The following NOVA1 variants were observed in gnomAD, a reference collection of about 807,000 sequenced individuals.
The protein encoded by NOVA1 is RNA-binding protein Nova-1.
A neutral mutation model predicts 38.0 loss-of-function variants in NOVA1; 7 were observed. That is an observed-to-expected ratio of 0.18 (90% confidence interval 0.10 to 0.35). NOVA1 has a LOEUF of 0.35. NOVA1 is among the 10% of genes least tolerant of loss of function. NOVA1 has a pLI of 1.00. For synonymous variants in NOVA1, 270 were observed against 232.5 expected (o/e 1.16, Z -1.47); for missense variants, 460 against 616.0 (o/e 0.75, Z 2.68).
chr14:26,463,962 A>G (rs1311784555), intron 4 of NOVA1, among the ~76,000 whole-genome samples: 1 of 152,196 alleles, frequency 6.6e-6, no homozygotes, highest in Non-Finnish European at 1.5e-5. Context: ...TTGTTCATTT[A>G]AAAGTCATGA....
chr14:26,594,663 G>T (rs1413110121), intron 2 of NOVA1: 1 of 151,820 alleles, frequency 6.6e-6, no homozygotes, highest in Non-Finnish European at 1.5e-5. Flanking sequence ...GAAAAAAATA[G>T]AAAAAGATGG....
In NOVA1 at chr14:26,567,357, G is replaced by A. The variant is rs143012608; in HGVS notation, c.280+28053C>T. On this transcript the variant is annotated intron_variant, in intron 2 of 4. Coordinates refer to ENST00000539517, the MANE Select transcript of NOVA1 (RefSeq NM_002515.3). ...GTCACCCAAGCTGGAATGCAGTGGC[G>A]CAATCTTGGCTCACTGCAGCCCCGA... is the stretch of plus-strand genomic sequence containing the variant. 3.9e-4 allele frequency among the ~76,000 whole-genome samples: 56 copies of A among 142,880 alleles called. No homozygotes were observed. In the East Asian group the frequency reaches 8.8e-3, roughly 23 times the overall value. The allele number at this position is 142,880 out of a possible 152,430, so 93.7% of individuals were successfully genotyped here. A position where few individuals can be genotyped will look rare whatever the true frequency, so the allele number is the denominator to read the frequency against.
intron 2 of NOVA1, among the ~76,000 whole-genome samples, chr14:26,554,626 T>A (rs1052055911): frequency 2.0e-5 from 3 of 152,050 alleles, no homozygotes; most frequent in African/African-American, 7.2e-5. Flanking sequence ...ATTTGACTAA[T>A]CATAAACAAA....
chr14:26,580,074 TACTA>T (rs1893116700), intron 2 of NOVA1, among the ~76,000 whole-genome samples: 1 of 151,792 alleles, frequency 6.6e-6, no homozygotes, highest in Non-Finnish European at 1.5e-5. Context: ...AAAAAAATCT[TACTA>T]ACAGCAAAAA....
In NOVA1 at chr14:26,458,814, T is replaced by C. The variant is rs1041521157; in HGVS notation, c.520-9851A>G. ...CACATACCCCCAAATCTAAAATAAA[T>C]GCTGAAAGGAAACAAAATTAAGAAA... On this transcript the variant is annotated intron_variant, in intron 4 of 4. Coordinates refer to ENST00000539517, the MANE Select transcript of NOVA1 (RefSeq NM_002515.3). Among the ~76,000 whole-genome samples, 5 of 151,812 alleles carry C rather than the reference T, an allele frequency of 3.3e-5. No homozygotes were observed. The East Asian group carries it at 9.7e-4, about 30-fold the overall frequency.
chr14:26,466,806 C>T (rs186298202), intron 4 of NOVA1, among the ~76,000 whole-genome samples: 3 of 152,280 alleles, frequency 2.0e-5, no homozygotes, highest in African/African-American at 7.2e-5. Context: ...TTCTCCTCTT[C>T]TGCCATGTAG....
Position 26,447,814 on chromosome 14 carries a change from A to G in NOVA1, c.*145T>C. On this transcript the variant is annotated 3_prime_UTR_variant, in exon 5 of 5. Coordinates refer to ENST00000539517, the MANE Select transcript of NOVA1 (RefSeq NM_002515.3). ...ATCTGGTAAAACACATATTATTTACATATACACATTGTCAACATAGTCGCA... is the reference window on the plus strand; with the variant it reads ...ATCTGGTAAAACACATATTATTTACGTATACACATTGTCAACATAGTCGCA... 1.5e-6 allele frequency: 1 copy of G among 653,462 alleles called. No homozygotes were observed. Among genetic ancestry groups the G allele is most frequent in the Non-Finnish European group, 2.7e-6 (1 of 373,370 alleles). 40.5% of individuals were successfully genotyped at this position (653,462 alleles called of 1,614,324 possible).
chr14:26,481,988 T>TAAAAAAAAAA lies in NOVA1; in HGVS notation c.281-1855_281-1846dup, dbSNP rs372806170. ...CAAAACAGTCTAACTTAGATAGAGA[T>TAAAAAAAAAA]AAAAAAAAAAAAAAAAAAAAAAAAA... On this transcript the variant is annotated intron_variant, in intron 2 of 4. Coordinates refer to ENST00000539517, the MANE Select transcript of NOVA1 (RefSeq NM_002515.3). Among the ~76,000 whole-genome samples the TAAAAAAAAAA allele has an allele frequency of 2.2e-3, 231 of 105,884 alleles. 10 individuals are homozygous for TAAAAAAAAAA. The highest frequency in any genetic ancestry group is 9.5e-3 in the African/African-American group (187 of 19,668). 69.5% of individuals were successfully genotyped at this position (105,884 alleles called of 152,430 possible).
At chr14:26,527,223 T>G (rs1209494552) in intron 2 of NOVA1, among the ~76,000 whole-genome samples, 1 of 111,988 alleles carries the variant, frequency 8.9e-6, no homozygotes, top group Non-Finnish European at 2.0e-5. Context: ...ATGGGCTAGC[T>G]GTGTGGTCTG....
chr14:26,445,710 A>G lies in NOVA1; in HGVS notation c.*2249T>C, dbSNP rs1411936015. On this transcript the variant is annotated 3_prime_UTR_variant, in exon 5 of 5. Transcript: ENST00000539517. Reference sequence around the variant, plus strand: ...GAAATGCTTCTAGTACACATCCTAGATCACTTCCTTTCCCTTTTTCAAACT... The same window carrying G: ...GAAATGCTTCTAGTACACATCCTAGGTCACTTCCTTTCCCTTTTTCAAACT... 2.0e-5 allele frequency: 3 copies of G among 152,222 alleles called. No individual in the cohort carries two copies. The highest frequency in any genetic ancestry group is 4.4e-5 in the Non-Finnish European group (3 of 68,028). The allele number at this position is 152,222 out of a possible 1,614,324, so 9.4% of individuals were successfully genotyped here. A position where few individuals can be genotyped will look rare whatever the true frequency, so the allele number is the denominator to read the frequency against.
At position 26,501,638 on chromosome 14, in the gene NOVA1, A is replaced by C. The variant is rs576856309; in HGVS notation, c.281-21495T>G. On this transcript the variant is annotated intron_variant, in intron 2 of 4. Transcript: ENST00000539517. ...AAAAATTGTTATATTATTTGAAAAAAACACAGGCATTATTGGTAAGGAATC... is the reference window on the plus strand; with the variant it reads ...AAAAATTGTTATATTATTTGAAAAACACACAGGCATTATTGGTAAGGAATC... Among the ~76,000 whole-genome samples, 5 of 152,050 alleles carry C rather than the reference A, an allele frequency of 3.3e-5. No individual in the cohort carries two copies. The South Asian group carries it at 1.0e-3, about 31-fold the overall frequency.
At chr14:26,527,620 G>C (rs1057294566) in intron 2 of NOVA1, among the ~76,000 whole-genome samples, 5 of 152,182 alleles carry the variant, frequency 3.3e-5, no homozygotes, top group Non-Finnish European at 5.9e-5. Flanking sequence ...GGAGCCTATA[G>C]CTAGGGGTAC....
At chr14:26,500,898 G>C (rs1199439371) in intron 2 of NOVA1, among the ~76,000 whole-genome samples, 1 of 151,706 alleles carries the variant, frequency 6.6e-6, no homozygotes, top group Non-Finnish European at 1.5e-5. Context: ...ATATATCTCT[G>C]GTCAAATACT....
chr14:26,516,157 G>A (rs1181654269), intron 2 of NOVA1, among the ~76,000 whole-genome samples: 5 of 152,092 alleles, frequency 3.3e-5, no homozygotes, highest in African/African-American at 7.2e-5. Context: ...TATTTGTAAC[G>A]GTATTGAGTG....
At chr14:26,575,645 CAT>C (rs1342082224) in intron 2 of NOVA1, among the ~76,000 whole-genome samples, 1 of 152,008 alleles carries the variant, frequency 6.6e-6, no homozygotes, top group Admixed American at 6.6e-5. Context: ...TACTTTATCA[CAT>C]ATATCAACAA....
intron 2 of NOVA1, among the ~76,000 whole-genome samples, chr14:26,572,768 GTGTGTC>G (rs1892571521): frequency 6.7e-6 from 1 of 149,890 alleles, no homozygotes; most frequent in African/African-American, 2.5e-5. Context: ...GTGTGTGTAT[GTGTGTC>G]TGTACGTTTA....
chr14:26,597,249 A>AGGGGCGGGCGGCGGGGGAT (rs1414756901), intron 1 of NOVA1, 52 bp downstream of exon 1: 2 of 483,648 alleles, frequency 4.1e-6, no homozygotes, highest in Non-Finnish European at 4.8e-6. Flanking sequence ...GGAGGGAGGC[A>AGGGGCGGGCGGCGGGGGAT]GGGGCGGGCG....
intron 2 of NOVA1, among the ~76,000 whole-genome samples, chr14:26,510,268 A>T (rs1375477721): frequency 2.0e-5 from 3 of 152,118 alleles, no homozygotes; most frequent in African/African-American, 4.8e-5. Flanking sequence ...GTAGCTCATG[A>T]TCCATTTATA....
chr14:26,470,495 G>A (rs748737591), intron 4 of NOVA1: 1 of 1,539,902 alleles, frequency 6.5e-7, no homozygotes, highest in South Asian at 1.1e-5. Context: ...ATGCTTCTTT[G>A]TACAAGAACA....
Sources: gnomAD v4.1 joint callset for allele counts (sites outside exome capture counted in the v4.1 genomes callset) on GRCh38, gnomAD v4.1.1 for gene constraint, MANE v1.5 for transcripts, NCBI Gene and HGNC (gene_info 2026-07-23, HGNC 2026-07-21) for gene names.